Variants in ETFA observed in about 807,000 individuals in gnomAD.
The protein encoded by ETFA is electron transfer flavoprotein subunit alpha, mitochondrial.
ETFA carries 22 observed loss-of-function variants against 46.2 expected under a neutral mutation model. The ratio of observed to expected loss-of-function variants is 0.48; its 90% CI spans 0.34 to 0.68. The LOEUF is 0.68. Among genes scored for constraint, ETFA ranks in the 30% least tolerant of loss-of-function variants. The pLI is 0.01. For missense variants in ETFA, 345 were observed against 401.1 expected, an observed-to-expected ratio of 0.86 and a Z score of 1.19; for synonymous variants, 131 against 139.9, an observed-to-expected ratio of 0.94 and a Z score of 0.45.
intron 9 of ETFA, among the ~76,000 whole-genome samples, chr15:76,234,697 GAT>G (rs2039105581): frequency 6.6e-6 from 1 of 152,210 alleles, no homozygotes; most frequent in Admixed American, 6.5e-5. Flanking sequence ...CCAGGTGGCT[GAT>G]AGCAGTCTGA....
intron 4 of ETFA, among the ~76,000 whole-genome samples, chr15:76,291,227 G>A (rs1305239038): frequency 6.6e-6 from 1 of 151,926 alleles, no homozygotes; most frequent in Non-Finnish European, 1.5e-5. Flanking sequence ...CAGATCACCT[G>A]AGGTCAGGAG....
intron 9 of ETFA, chr15:76,260,925 T>C: frequency 1.2e-6 from 2 of 1,611,778 alleles, no homozygotes; most frequent in South Asian, 1.1e-5. Context: ...CTGTGTCACC[T>C]GAACTGTACA....
At chr15:76,257,697 T>C (rs1175045295) in intron 9 of ETFA, among the ~76,000 whole-genome samples, 1 of 152,008 alleles carries the variant, frequency 6.6e-6, no homozygotes. Context: ...TAAATCATGC[T>C]GCTATAAAGA....
At chr15:76,233,615 A>C (rs1443611371) in intron 9 of ETFA, among the ~76,000 whole-genome samples, 1 of 152,222 alleles carries the variant, frequency 6.6e-6, no homozygotes, top group Non-Finnish European at 1.5e-5. Context: ...GGCATGAGCC[A>C]CGGCGCCCAG....
At chr15:76,225,238 T>C (rs2038992575) in intron 11 of ETFA, among the ~76,000 whole-genome samples, 1 of 152,196 alleles carries the variant, frequency 6.6e-6, no homozygotes, top group Non-Finnish European at 1.5e-5. Flanking sequence ...TCACTTCACA[T>C]TGTGCATTAA....
intron 9 of ETFA, among the ~76,000 whole-genome samples, chr15:76,242,700 C>T (rs1045462139): frequency 1.3e-5 from 2 of 151,948 alleles, no homozygotes; most frequent in Non-Finnish European, 2.9e-5. Context: ...GATGACTGGA[C>T]CATAAAAAGG....
chr15:76,253,741 TA>T (rs1408392992), intron 9 of ETFA, among the ~76,000 whole-genome samples: 4 of 152,178 alleles, frequency 2.6e-5, no homozygotes, highest in Non-Finnish European at 5.9e-5. Context: ...GCCACAAGTG[TA>T]ATTCTTGCCA....
At chr15:76,292,111 G>A (rs1427071634) in intron 4 of ETFA, among the ~76,000 whole-genome samples, 1 of 152,028 alleles carries the variant, frequency 6.6e-6, no homozygotes, top group African/African-American at 2.4e-5. Context: ...CTTAAAATGG[G>A]CTACTAATAG....
At chr15:76,263,872 G>T (rs1195149778) in intron 9 of ETFA, among the ~76,000 whole-genome samples, 2 of 152,178 alleles carry the variant, frequency 1.3e-5, no homozygotes, top group African/African-American at 2.4e-5. Flanking sequence ...AAAAAAGTAT[G>T]TTTTACTAGC....
chr15:76,256,509 G>A (rs1055210055), intron 9 of ETFA, among the ~76,000 whole-genome samples: 2 of 152,012 alleles, frequency 1.3e-5, no homozygotes, highest in African/African-American at 4.8e-5. Context: ...TGCATTTTTC[G>A]CAGATATCTT....
intron 4 of ETFA, among the ~76,000 whole-genome samples, chr15:76,290,361 G>T (rs2039749344): frequency 1.4e-5 from 1 of 70,348 alleles, no homozygotes; most frequent in Non-Finnish European, 3.3e-5. Flanking sequence ...TTTTGAGACA[G>T]GGTGTTGCTC....
At chr15:76,264,440 G>A (rs1231949017) in intron 9 of ETFA, among the ~76,000 whole-genome samples, 4 of 152,208 alleles carry the variant, frequency 2.6e-5, no homozygotes, top group African/African-American at 9.7e-5. Flanking sequence ...GTTCAGCTGT[G>A]CTCTGTGTGC....
intron 10 of ETFA, 154 bp downstream of exon 10, chr15:76,231,179 C>A: frequency 1.5e-6 from 1 of 654,588 alleles, no homozygotes; most frequent in Non-Finnish European, 2.8e-6. Context: ...ATTTTTAAGG[C>A]AGTGAACGGT....
At chr15:76,257,849 T>C (rs1180144325) in intron 9 of ETFA, among the ~76,000 whole-genome samples, 1 of 151,878 alleles carries the variant, frequency 6.6e-6, no homozygotes, top group African/African-American at 2.4e-5. Context: ...TAAAAAATGA[T>C]GAGTTCATGT....
chr15:76,260,248 T>C, intron 9 of ETFA: 2 of 1,205,650 alleles, frequency 1.7e-6, no homozygotes, highest in South Asian at 2.4e-5. Flanking sequence ...CACTTGGGCC[T>C]TTCTTGATTG....
intron 9 of ETFA, among the ~76,000 whole-genome samples, chr15:76,244,625 T>C (rs2039226847): frequency 6.6e-6 from 1 of 150,980 alleles, no homozygotes; most frequent in African/African-American, 2.4e-5. Context: ...CCATTTATCA[T>C]ACCTGAAACT....
intron 10 of ETFA, chr15:76,230,372 G>T (rs1306085113): frequency 4.2e-5 from 3 of 71,300 alleles, no homozygotes. Context: ...GACTACAGGC[G>T]CCCGCTACCA....
At chr15:76,292,750 A>T in intron 2 of ETFA, 50 bp from the exon 3 acceptor site, 1 of 1,213,560 alleles carries the variant, frequency 8.2e-7, no homozygotes, top group Non-Finnish European at 1.2e-6. Flanking sequence ...GAAATATACA[A>T]ATAAAGCCAC....
intron 8 of ETFA, among the ~76,000 whole-genome samples, chr15:76,274,813 T>C (rs1174714922): frequency 1.3e-5 from 2 of 152,190 alleles, no homozygotes; most frequent in Admixed American, 1.3e-4. Context: ...CCTCTTGTAA[T>C]ACTATAAAGA....
Sources: allele counts gnomAD v4.1 joint callset (sites outside exome capture counted in the v4.1 genomes callset), GRCh38; gene constraint gnomAD v4.1.1; transcripts MANE v1.5; gene names NCBI Gene and HGNC (gene_info 2026-07-23, HGNC 2026-07-21).